HPSE2: variants seen among roughly 807,000 people sequenced by gnomAD.
HPSE2 encodes heparanase 2 (inactive), also known as inactive heparanase-2.
In HPSE2, 38 loss-of-function variants were observed where a neutral mutation model predicts 60.5. That is an observed-to-expected ratio of 0.63 (90% CI 0.48 to 0.82). The LOEUF (loss-of-function observed/expected upper bound fraction) is 0.82, where lower values mean the gene tolerates loss of function less well. Among genes scored for constraint, HPSE2 ranks in the 40% least tolerant of loss-of-function variants. The pLI, the probability that HPSE2 is intolerant of heterozygous loss-of-function variation, is 0.00. For synonymous variants in HPSE2, 295 were observed against 293.2 expected (o/e 1.01, Z -0.06); for missense variants, 713 against 740.4 (o/e 0.96, Z 0.43).
chr10:98,775,999 G>T (rs1360567942), intron 3 of HPSE2, among the ~76,000 whole-genome samples: 1 of 152,058 alleles, frequency 6.6e-6, no homozygotes, highest in Non-Finnish European at 1.5e-5. Flanking sequence ...ACTCTTCCTA[G>T]ATTTGTCCCT....
chr10:98,956,759 T>C (rs777000294), intron 3 of HPSE2, among the ~76,000 whole-genome samples: 11 of 151,552 alleles, frequency 7.3e-5, no homozygotes, highest in Admixed American at 4.6e-4. Context: ...GCAAGGGACG[T>C]TGGAAAATAT....
At chr10:99,092,176 T>A (rs983156127) in intron 3 of HPSE2, among the ~76,000 whole-genome samples, 6 of 152,196 alleles carry the variant, frequency 3.9e-5, no homozygotes, top group African/African-American at 1.4e-4. Flanking sequence ...TAGGAAAAAC[T>A]GTTTTAACTC....
intron 3 of HPSE2, among the ~76,000 whole-genome samples, chr10:99,119,069 A>G (rs908315295): frequency 8.0e-5 from 10 of 124,448 alleles, no homozygotes; most frequent in Non-Finnish European, 1.7e-4. Flanking sequence ...AAGAGAGAGA[A>G]AGAAAGAAAG....
At chr10:99,047,920 G>A (rs1470434127) in intron 3 of HPSE2, 21 of 758,116 alleles carry the variant, frequency 2.8e-5, no homozygotes, top group South Asian at 2.7e-4. Flanking sequence ...TTGTCCTCAG[G>A]ATCAGAGGTA....
At chr10:98,671,676 T>A (rs1006516074) in intron 6 of HPSE2, among the ~76,000 whole-genome samples, 3 of 152,102 alleles carry the variant, frequency 2.0e-5, no homozygotes, top group Non-Finnish European at 1.5e-5. Flanking sequence ...CAAAGGGTGA[T>A]AAAGGGAAGG....
chr10:99,241,503 T>C, the HPSE2 span, among the ~76,000 whole-genome samples: 1 of 152,204 alleles, frequency 6.6e-6, no homozygotes, highest in African/African-American at 2.4e-5. Flanking sequence ...CTCATGCTAA[T>C]CCCAGCACTT....
chr10:99,298,668 G>GCTTTTTTTTTTT, the HPSE2 span, among the ~76,000 whole-genome samples: 1 of 51,674 alleles, frequency 1.9e-5, no homozygotes, highest in Non-Finnish European at 3.7e-5. Context: ...CTATGTATAG[G>GCTTTTTTTTTTT]CTTTTTTTTT....
intron 5 of HPSE2, among the ~76,000 whole-genome samples, chr10:98,698,185 A>C (rs1349147518): frequency 1.4e-5 from 2 of 144,916 alleles, no homozygotes; most frequent in African/African-American, 5.1e-5. Flanking sequence ...AACAGAATAT[A>C]CATTTTTTTC....
intron 3 of HPSE2, among the ~76,000 whole-genome samples, chr10:99,082,690 A>C (rs1421783148): frequency 2.0e-5 from 3 of 152,202 alleles, no homozygotes; most frequent in Non-Finnish European, 4.4e-5. Flanking sequence ...TATAATGCCT[A>C]GCACGTACTA....
intron 6 of HPSE2, among the ~76,000 whole-genome samples, chr10:98,680,440 A>G (rs942180766): frequency 6.6e-6 from 1 of 152,200 alleles, no homozygotes; most frequent in Admixed American, 6.5e-5. Context: ...TTTGTATTGG[A>G]AAAACTATGT....
intron 5 of HPSE2, among the ~76,000 whole-genome samples, chr10:98,710,419 T>C (rs1243320564): frequency 1.3e-5 from 2 of 152,172 alleles, no homozygotes; most frequent in East Asian, 3.9e-4. Flanking sequence ...CAGATCTCTA[T>C]TTAGGCTTCC....
At chr10:98,569,785 C>T (rs1225092365) in intron 9 of HPSE2, among the ~76,000 whole-genome samples, 2 of 152,154 alleles carry the variant, frequency 1.3e-5, no homozygotes, top group Non-Finnish European at 2.9e-5. Context: ...CCTAGGATCT[C>T]CTCTACCCAG....
At chr10:98,592,688 T>C (rs1197882117) in intron 9 of HPSE2, among the ~76,000 whole-genome samples, 1 of 152,226 alleles carries the variant, frequency 6.6e-6, no homozygotes, top group Non-Finnish European at 1.5e-5. Context: ...ATGCTTATGA[T>C]TAATTTATAT....
intron 3 of HPSE2, among the ~76,000 whole-genome samples, chr10:98,832,281 C>T (rs539683161): frequency 5.9e-5 from 9 of 152,190 alleles, no homozygotes; most frequent in Admixed American, 2.0e-4. Context: ...CCAAATGTCA[C>T]GAAGCTTGGA....
At chr10:98,984,464 A>G (rs565612231) in intron 3 of HPSE2, among the ~76,000 whole-genome samples, 4 of 152,368 alleles carry the variant, frequency 2.6e-5, no homozygotes, top group African/African-American at 7.2e-5. Flanking sequence ...ACAAACAGAA[A>G]GGACATCCAC....
chr10:98,985,755 T>A (rs1419744629), intron 3 of HPSE2, among the ~76,000 whole-genome samples: 1 of 152,140 alleles, frequency 6.6e-6, no homozygotes, highest in African/African-American at 2.4e-5. Context: ...CCATCTCATA[T>A]GCAGAGACAC....
At chr10:98,490,323 T>C in intron 9 of HPSE2, 127 bp from the exon 10 acceptor site, 1 of 1,182,528 alleles carries the variant, frequency 8.5e-7, no homozygotes, top group Non-Finnish European at 1.2e-6. Flanking sequence ...CCTGGAGTCA[T>C]GAGTCATGAC....
intron 3 of HPSE2, among the ~76,000 whole-genome samples, chr10:98,844,556 A>G (rs1321190348): frequency 2.6e-5 from 4 of 152,210 alleles, no homozygotes; most frequent in Non-Finnish European, 4.4e-5. Context: ...TATTATTGAA[A>G]TTAAAAGTTA....
intron 9 of HPSE2, among the ~76,000 whole-genome samples, chr10:98,500,161 T>C (rs1483980708): frequency 1.3e-5 from 2 of 152,178 alleles, no homozygotes; most frequent in South Asian, 2.1e-4. Flanking sequence ...AACTATACCT[T>C]GGAACAAATG....
Sources: allele counts gnomAD v4.1 joint callset (sites outside exome capture counted in the v4.1 genomes callset), GRCh38; gene constraint gnomAD v4.1.1; transcripts MANE v1.5; gene names NCBI Gene and HGNC (gene_info 2026-07-23, HGNC 2026-07-21).